The following DENND1A variants were observed in gnomAD, a reference collection of about 807,000 sequenced individuals.
DENND1A encodes DENN domain containing 1A.
In DENND1A, 51 loss-of-function variants were observed where a neutral mutation model predicts 113.7. That is an observed-to-expected ratio of 0.45 (90% CI 0.36 to 0.57). DENND1A has a LOEUF of 0.57. Ranked by LOEUF, DENND1A falls within the 20% of genes least tolerant of loss-of-function variation. DENND1A has a pLI of 0.00. For missense variants in DENND1A, 1,258 were observed against 1,395.9 expected, an observed-to-expected ratio of 0.90 and a Z score of 1.57; for synonymous variants, 565 against 570.8, an observed-to-expected ratio of 0.99 and a Z score of 0.14.
At chr9:123,818,557 C>T (rs1463173224) in intron 2 of DENND1A, among the ~76,000 whole-genome samples, 37 of 132,324 alleles carry the variant, frequency 2.8e-4, no homozygotes, top group African/African-American at 8.8e-4. Context: ...CACACACACA[C>T]ACACACACAC....
intron 5 of DENND1A, among the ~76,000 whole-genome samples, chr9:123,715,118 A>C (rs757748868): frequency 6.6e-6 from 1 of 152,126 alleles, no homozygotes; most frequent in Non-Finnish European, 1.5e-5. Context: ...TGGGAGGTGG[A>C]GGTTGCAGTG....
At chr9:123,650,380 G>A (rs2062580634) in intron 9 of DENND1A, among the ~76,000 whole-genome samples, 1 of 152,064 alleles carries the variant, frequency 6.6e-6, no homozygotes, top group Non-Finnish European at 1.5e-5. Context: ...TCATTATTAG[G>A]TGCCTTTTAT....
chr9:123,582,926 T>G (rs2058988916), intron 12 of DENND1A, among the ~76,000 whole-genome samples: 1 of 148,202 alleles, frequency 6.7e-6, no homozygotes, highest in Non-Finnish European at 1.5e-5. Context: ...CTCGAACTCC[T>G]GACCTCAGGT....
chr9:123,734,523 A>G (rs778904485), intron 5 of DENND1A, among the ~76,000 whole-genome samples: 4 of 152,208 alleles, frequency 2.6e-5, no homozygotes, highest in Admixed American at 6.5e-5. Flanking sequence ...ACGTTTCCTT[A>G]GCCTAAGTCA....
chr9:123,417,731 T>A (rs1335325800), intron 19 of DENND1A, among the ~76,000 whole-genome samples: 1 of 152,208 alleles, frequency 6.6e-6, no homozygotes. Flanking sequence ...GAGCATCTTT[T>A]TGTGGTGCTT....
chr9:123,619,396 G>A (rs985475427), intron 10 of DENND1A, among the ~76,000 whole-genome samples: 1 of 151,952 alleles, frequency 6.6e-6, no homozygotes, highest in Admixed American at 6.6e-5. Context: ...CCACTGATCT[G>A]TATACATACA....
intron 13 of DENND1A, among the ~76,000 whole-genome samples, chr9:123,517,455 G>A (rs1293155055): frequency 6.6e-6 from 1 of 151,662 alleles, no homozygotes; most frequent in Admixed American, 6.6e-5. Context: ...TCCTGTCTCT[G>A]CTAAAAATAC....
chr9:123,540,882 G>C (rs1028085553), intron 13 of DENND1A, among the ~76,000 whole-genome samples: 1 of 152,172 alleles, frequency 6.6e-6, no homozygotes, highest in Non-Finnish European at 1.5e-5. Context: ...AAGAGGATCG[G>C]AAGCAGCATG....
intron 5 of DENND1A, among the ~76,000 whole-genome samples, chr9:123,711,590 C>G (rs1397456059): frequency 7.3e-6 from 1 of 137,888 alleles, no homozygotes; most frequent in Non-Finnish European, 1.6e-5. Context: ...GACATCCTAC[C>G]TACTGCAAAC....
chr9:123,828,275 G>A (rs1307578252), intron 2 of DENND1A, among the ~76,000 whole-genome samples: 1 of 152,050 alleles, frequency 6.6e-6, no homozygotes, highest in Non-Finnish European at 1.5e-5. Flanking sequence ...TAATAACTCA[G>A]TGGACAATAG....
At chr9:123,606,717 A>G (rs1011752948) in intron 11 of DENND1A, among the ~76,000 whole-genome samples, 1 of 152,250 alleles carries the variant, frequency 6.6e-6, no homozygotes, top group African/African-American at 2.4e-5. Flanking sequence ...TTCTTTTCAC[A>G]AAGCATTTGC....
At chr9:123,413,358 A>G (rs1030426087) in intron 19 of DENND1A, 1 of 933,124 alleles carries the variant, frequency 1.1e-6, no homozygotes, top group Non-Finnish European at 1.3e-6. Context: ...TTTATGTTTC[A>G]CATTCAGAAT....
chr9:123,855,843 G>C (rs1349436854), intron 2 of DENND1A, among the ~76,000 whole-genome samples: 1 of 152,050 alleles, frequency 6.6e-6, no homozygotes, highest in Non-Finnish European at 1.5e-5. Context: ...TTCAAGACCA[G>C]CCTGACCAAC....
chr9:123,543,367 T>C (rs1456456990), intron 13 of DENND1A, among the ~76,000 whole-genome samples: 1 of 152,208 alleles, frequency 6.6e-6, no homozygotes, highest in East Asian at 1.9e-4. Flanking sequence ...TAGTGTACAT[T>C]GTTAATGTAT....
chr9:123,801,272 A>G (rs1235924958), intron 2 of DENND1A, among the ~76,000 whole-genome samples: 1 of 152,188 alleles, frequency 6.6e-6, no homozygotes, highest in African/African-American at 2.4e-5. Context: ...GAAATTTCTC[A>G]TCTTCCCCAA....
At chr9:123,664,728 C>A (rs899029232) in intron 8 of DENND1A, among the ~76,000 whole-genome samples, 2 of 152,030 alleles carry the variant, frequency 1.3e-5, no homozygotes, top group Non-Finnish European at 2.9e-5. Context: ...TATTTTTAAA[C>A]CTTTAATTAA....
chr9:123,637,874 T>G (rs1200827364), intron 9 of DENND1A, among the ~76,000 whole-genome samples: 2 of 151,854 alleles, frequency 1.3e-5, no homozygotes, highest in African/African-American at 4.8e-5. Context: ...CTTACTTTTT[T>G]CCTTCTCCAT....
intron 11 of DENND1A, among the ~76,000 whole-genome samples, chr9:123,584,486 G>C (rs2059070543): frequency 6.6e-6 from 1 of 152,206 alleles, no homozygotes; most frequent in Non-Finnish European, 1.5e-5. Context: ...TCACCCCAGA[G>C]CATGGTGTAG....
At chr9:123,761,962 G>A (rs1292788290) in intron 4 of DENND1A, among the ~76,000 whole-genome samples, 24 of 152,202 alleles carry the variant, frequency 1.6e-4, no homozygotes. Flanking sequence ...GATGATGGAA[G>A]CTAGGAGAAA....
Sources: gnomAD v4.1 joint callset for allele counts (sites outside exome capture counted in the v4.1 genomes callset) on GRCh38, gnomAD v4.1.1 for gene constraint, MANE v1.5 for transcripts, NCBI Gene and HGNC (gene_info 2026-07-23, HGNC 2026-07-21) for gene names.